Variants in TMEM182 observed in about 807,000 individuals in gnomAD.
TMEM182 encodes transmembrane protein 182.
Under a neutral mutation model 26.8 loss-of-function variants are expected in TMEM182, and 20 were observed. That is an observed-to-expected ratio of 0.75 (90% confidence interval 0.53 to 1.09). TMEM182 has a LOEUF of 1.09. Ranked by LOEUF, TMEM182 falls within the 50% of genes least tolerant of loss-of-function variation. The pLI, the probability that TMEM182 is intolerant of heterozygous loss-of-function variation, is 0.00. For missense variants in TMEM182, 277 were observed against 275.5 expected (o/e 1.01, Z -0.04); for synonymous variants, 109 against 102.2 (o/e 1.07, Z -0.40).
intron 3 of TMEM182, among the ~76,000 whole-genome samples, chr2:102,837,394 T>C (rs1454720338): frequency 1.3e-5 from 2 of 152,202 alleles, no homozygotes; most frequent in Admixed American, 6.5e-5. Flanking sequence ...ATTCTACCGA[T>C]ACATTGAAGA....
chr2:102,740,286 G>A (rs548991634), intron 1 of TMEM182, among the ~76,000 whole-genome samples: 1 of 152,282 alleles, frequency 6.6e-6, no homozygotes, highest in South Asian at 2.1e-4. Context: ...TGTTGTGGGA[G>A]GGACCAAGTG....
At chr2:102,764,575 T>C in intron 3 of TMEM182, 148 bp downstream of exon 3, 1 of 580,228 alleles carries the variant, frequency 1.7e-6, no homozygotes, top group Non-Finnish European at 2.8e-6. Context: ...AAAAATGTTA[T>C]TTTTAATGTG....
intron 3 of TMEM182, among the ~76,000 whole-genome samples, chr2:102,773,332 C>T (rs902323091): frequency 2.0e-5 from 3 of 151,846 alleles, no homozygotes; most frequent in Non-Finnish European, 2.9e-5. Context: ...AAACCTAAGA[C>T]ATGGACAGGG....
At chr2:102,801,726 C>T (rs1172995170) in intron 4 of TMEM182, among the ~76,000 whole-genome samples, 1 of 152,134 alleles carries the variant, frequency 6.6e-6, no homozygotes, top group Non-Finnish European at 1.5e-5. Context: ...TGTTTTTCTT[C>T]TCCCTTTGCT....
At chr2:102,807,121 T>C (rs1682378681) in intron 4 of TMEM182, among the ~76,000 whole-genome samples, 1 of 152,230 alleles carries the variant, frequency 6.6e-6, no homozygotes, top group African/African-American at 2.4e-5. Flanking sequence ...AAAATTGTTA[T>C]GACAATCTAA....
intron 4 of TMEM182, among the ~76,000 whole-genome samples, chr2:102,809,977 A>G (rs1436026056): frequency 1.3e-5 from 2 of 152,248 alleles, no homozygotes; most frequent in East Asian, 3.8e-4. Flanking sequence ...AAAGGAGGCC[A>G]TTGAATCATC....
At chr2:102,791,789 A>T (rs1183895789) in intron 3 of TMEM182, among the ~76,000 whole-genome samples, 1 of 152,132 alleles carries the variant, frequency 6.6e-6, no homozygotes, top group African/African-American at 2.4e-5. Context: ...ATTGTATCTA[A>T]TGAGACAAAT....
intron 1 of TMEM182, among the ~76,000 whole-genome samples, chr2:102,753,387 G>A (rs1326422862): frequency 6.6e-6 from 1 of 152,122 alleles, no homozygotes; most frequent in Non-Finnish European, 1.5e-5. Context: ...AAATTAATGA[G>A]GTGAATGAGC....
chr2:102,819,450 G>C (rs2104765625), downstream of TMEM182, among the ~76,000 whole-genome samples: 1 of 152,284 alleles, frequency 6.6e-6, no homozygotes, highest in East Asian at 1.9e-4. Context: ...GATATGTGAA[G>C]TAGAAAGTCG....
At chr2:102,794,205 CT>C (rs746520812) in intron 3 of TMEM182, among the ~76,000 whole-genome samples, 11 of 152,200 alleles carry the variant, frequency 7.2e-5, no homozygotes, top group Non-Finnish European at 1.6e-4. Flanking sequence ...GAAAAAGAGA[CT>C]TCTAGGAGTT....
intron 3 of TMEM182, 121 bp from the exon 4 acceptor site, chr2:102,797,742 T>G: frequency 8.3e-7 from 1 of 1,207,268 alleles, no homozygotes; most frequent in Non-Finnish European, 1.1e-6. Context: ...GCATTCTATC[T>G]AGCAGTGCCA....
intron 3 of TMEM182, among the ~76,000 whole-genome samples, chr2:102,768,387 C>A (rs1008575051): frequency 5.3e-5 from 8 of 152,086 alleles, no homozygotes; most frequent in Middle Eastern, 3.4e-3. Flanking sequence ...ACCTACACAA[C>A]TCTTTAAAAA....
upstream of TMEM182, chr2:102,761,950 C>G: frequency 2.9e-6 from 1 of 340,044 alleles, no homozygotes; most frequent in South Asian, 2.9e-5. Flanking sequence ...AGAAAGACAG[C>G]TCCTCAATCA....
At chr2:102,819,243 A>G (rs772380696), downstream of TMEM182, among the ~76,000 whole-genome samples, 1 of 152,218 alleles carries the variant, frequency 6.6e-6, no homozygotes, top group Non-Finnish European at 1.5e-5. Flanking sequence ...GATGTTAAAA[A>G]CGACCTAAAT....
At chr2:102,749,126 A>G (rs1303171132) in intron 1 of TMEM182, among the ~76,000 whole-genome samples, 1 of 152,198 alleles carries the variant, frequency 6.6e-6, no homozygotes, top group Non-Finnish European at 1.5e-5. Context: ...TTTGGTTTAC[A>G]ATGTAAAATC....
chr2:102,796,632 C>T (rs1681880486), intron 3 of TMEM182, among the ~76,000 whole-genome samples: 1 of 152,226 alleles, frequency 6.6e-6, no homozygotes, highest in Admixed American at 6.5e-5. Context: ...AGCCTGAATA[C>T]AACTGCAGAA....
chr2:102,770,271 G>A (rs1358110948), intron 3 of TMEM182, among the ~76,000 whole-genome samples: 1 of 152,154 alleles, frequency 6.6e-6, no homozygotes, highest in African/African-American at 2.4e-5. Context: ...CAGGCAGGAA[G>A]GAATTGGATC....
chr2:102,755,184 A>G (rs938206361), intron 1 of TMEM182, among the ~76,000 whole-genome samples: 5 of 152,222 alleles, frequency 3.3e-5, no homozygotes, highest in Non-Finnish European at 7.3e-5. Flanking sequence ...AGGGAAAAAA[A>G]GGATAACCAG....
chr2:102,745,062 G>A (rs1679651850), intron 1 of TMEM182, among the ~76,000 whole-genome samples: 1 of 151,334 alleles, frequency 6.6e-6, no homozygotes, highest in African/African-American at 2.4e-5. Flanking sequence ...ACCATTTGCT[G>A]TTGCCCAACA....
Sources: gnomAD v4.1 joint callset for allele counts (sites outside exome capture counted in the v4.1 genomes callset) on GRCh38, gnomAD v4.1.1 for gene constraint, MANE v1.5 for transcripts, NCBI Gene and HGNC (gene_info 2026-07-23, HGNC 2026-07-21) for gene names.